The following ABCA8 variants were observed in gnomAD, a reference collection of about 807,000 sequenced individuals.
ABCA8 encodes the protein ABC-type organic anion transporter ABCA8.
A neutral mutation model predicts 192.3 loss-of-function variants in ABCA8; 177 were observed. The observed-to-expected ratio is 0.92, with a 90% confidence interval of 0.81 to 1.04. The LOEUF (loss-of-function observed/expected upper bound fraction) is 1.04. Among genes scored for constraint, ABCA8 ranks in the 50% least tolerant of loss-of-function variants. ABCA8 has a pLI of 0.00. For missense variants in ABCA8, 1,915 were observed against 1,904.8 expected (o/e 1.01, Z -0.10); for synonymous variants, 642 against 690.2 (o/e 0.93, Z 1.09).
At chr17:68,939,669 T>C (rs552771832) in intron 4 of ABCA8, among the ~76,000 whole-genome samples, 8 of 152,206 alleles carry the variant, frequency 5.3e-5, no homozygotes, top group African/African-American at 9.6e-5. Flanking sequence ...GGGGCAGAGA[T>C]TTACTTCTGT....
chr17:68,890,332 C>T (rs1380470772), intron 24 of ABCA8, among the ~76,000 whole-genome samples: 2 of 152,152 alleles, frequency 1.3e-5, no homozygotes, highest in African/African-American at 4.8e-5. Flanking sequence ...TATTTTCCAT[C>T]TGTACATCTT....
At chr17:68,926,352 A>G (rs1484521332) in intron 10 of ABCA8, among the ~76,000 whole-genome samples, 1 of 152,186 alleles carries the variant, frequency 6.6e-6, no homozygotes, top group Non-Finnish European at 1.5e-5. Context: ...TTTAATAAGT[A>G]GAAGGAGAAA....
chr17:68,928,929 C>T (rs1432183464), intron 9 of ABCA8, 120 bp downstream of exon 9: 2 of 849,798 alleles, frequency 2.4e-6, no homozygotes, highest in African/African-American at 1.8e-5. Context: ...AACTTTACAA[C>T]AGCCTTCGCT....
Position 68,933,812 on chromosome 17 carries a change from A to G in ABCA8, c.467-541T>C, listed in dbSNP as rs540852044. 8.5e-5 allele frequency among the ~76,000 whole-genome samples: 13 copies of G among 152,300 alleles called. No homozygotes were observed. In the East Asian group the frequency reaches 2.1e-3, roughly 25 times the overall value. ...CTGTCAGTCCATTTAATAGTAAACT[A>G]TATTAAAGAGATATCCTTGAATAAG... On this transcript the variant is annotated intron_variant, in intron 5 of 39. Transcript: ENST00000586539.
At chr17:68,900,074 G>T (rs979094763) in intron 21 of ABCA8, among the ~76,000 whole-genome samples, 3 of 152,022 alleles carry the variant, frequency 2.0e-5, no homozygotes, top group Admixed American at 1.3e-4. Flanking sequence ...TAAACACAAG[G>T]CAAACAGAAA....
Position 68,875,354 on chromosome 17 carries a change from A to G in ABCA8, c.4537T>C (p.Tyr1513His). 1 of 1,614,152 alleles carries G rather than the reference A, an allele frequency of 6.2e-7. No individual in the cohort carries two copies. The highest frequency in any genetic ancestry group is 8.5e-7 in the Non-Finnish European group (1 of 1,180,002). Residue 1513 changes from tyrosine to histidine, a missense_variant, in exon 37 of 40, where the codon TAC becomes CAC. Coordinates refer to ENST00000586539, the MANE Select transcript of ABCA8 (RefSeq NM_001288985.2). Reference protein sequence around the residue: ...QHLKSKFGKDYLLEMKVKNLA... With the variant: ...QHLKSKFGKDHLLEMKVKNLA... The stretch of plus-strand genomic sequence containing the variant: ...TTCTTCACCTTCATCTCCAGCAGGT[A>G]ATCTTTGCCAAATTTGCTTTTCAGG...
rs199823966 is a variant in ABCA8 at position 68,894,986 on chromosome 17, G to A, written c.2792C>T (p.Ser931Phe). Residue 931 changes from serine (S) to phenylalanine (F), a missense_variant, in exon 22 of 40, where the codon TCT (serine) becomes TTT (phenylalanine). Ser to Phe is a radical substitution (Grantham distance 155). Transcript: ENST00000586539. ...TGASIDDFIQ[S>F]VEHQNIALEV... ...TAAAGCTATGTTCTGGTGCTCCACAGACTGTATAAAGTCATCAATGCTTGC... is the reference window on the plus strand; with the variant it reads ...TAAAGCTATGTTCTGGTGCTCCACAAACTGTATAAAGTCATCAATGCTTGC... 9 of 1,613,192 alleles carry A rather than the reference G, an allele frequency of 5.6e-6. No individual in the cohort carries two copies. The South Asian group carries it at 9.9e-5, about 18-fold the overall frequency.
intron 1 of ABCA8, among the ~76,000 whole-genome samples, chr17:68,952,040 A>G (rs1380180143): frequency 6.6e-6 from 1 of 152,146 alleles, no homozygotes; most frequent in East Asian, 1.9e-4. Context: ...TCCTGTCCCA[A>G]AGATGTAAAA....
At chr17:68,937,485 T>C (rs1343205233) in intron 4 of ABCA8, among the ~76,000 whole-genome samples, 1 of 152,190 alleles carries the variant, frequency 6.6e-6, no homozygotes, top group African/African-American at 2.4e-5. Context: ...CACTGTTTTG[T>C]ATCAGGTGGA....
chr17:68,935,526 G>T (rs2068038329), intron 5 of ABCA8, among the ~76,000 whole-genome samples: 1 of 90,806 alleles, frequency 1.1e-5, no homozygotes, highest in Admixed American at 1.1e-4. Context: ...TTAATTTATG[G>T]CTGAGTAGTA....
chr17:68,867,401 T>A lies in ABCA8; in HGVS notation c.*684A>T, dbSNP rs1377335979. 4 of 152,166 alleles carry A rather than the reference T, an allele frequency of 2.6e-5. No homozygotes were observed. The highest frequency in any genetic ancestry group is 2.1e-4 in the South Asian group (1 of 4,826). 9.4% of individuals were successfully genotyped at this position (152,166 alleles called of 1,614,324 possible). On this transcript the variant is annotated 3_prime_UTR_variant, in exon 40 of 40. Coordinates refer to ENST00000586539, the MANE Select transcript of ABCA8 (RefSeq NM_001288985.2). ...CCAAGTGACAAATATCCACAAAAGA[T>A]CATTTACAATGTAGACATCACTAAA...
intron 37 of ABCA8, among the ~76,000 whole-genome samples, chr17:68,874,845 AT>A (rs1409797748): frequency 6.6e-6 from 1 of 152,250 alleles, no homozygotes; most frequent in Non-Finnish European, 1.5e-5. Flanking sequence ...AAATAAAATA[AT>A]TAGGTTTACC....
chr17:68,937,660 A>G (rs10512521), intron 4 of ABCA8, among the ~76,000 whole-genome samples: 10,334 of 152,206 alleles, frequency 0.068, 1,124 homozygotes, highest in African/African-American at 0.23. Flanking sequence ...TGTTTTATTA[A>G]TACTGAAAAA....
At position 68,877,609 on chromosome 17, in the gene ABCA8, A is replaced by C; in HGVS notation, c.4109T>G (p.Leu1370Arg). ...CTGCCTCACTGTCAGGTTGGGCCAC[A>C]GCGCGTTCTCCTGAGGGCAGTACCC... ...FLGYCPQENA[L>R]WPNLTVRQHL... Residue 1370 changes from leucine (L) to arginine (R), a missense_variant, in exon 33 of 40, where the codon CTG becomes CGG. Physicochemically the swap from Leu to Arg is moderately radical, Grantham distance 102 (BLOSUM62 -2). Transcript: ENST00000586539. 1.2e-6 allele frequency: 2 copies of C among 1,614,136 alleles called. No homozygotes were observed. The highest frequency in any genetic ancestry group is 1.7e-6 in the Non-Finnish European group (2 of 1,179,994).
In ABCA8 at chr17:68,946,350, G is replaced by GC. The variant is rs895390569; in HGVS notation, c.-6+2961dup. 2.9e-3 allele frequency among the ~76,000 whole-genome samples: 435 copies of GC among 152,220 alleles called. 2 individuals carry two copies. Among genetic ancestry groups the GC allele is most frequent in the African/African-American group, 9.9e-3 (412 of 41,542 alleles). On this transcript the variant is annotated intron_variant, in intron 2 of 39. Transcript: ENST00000586539. ...CAAAGTGCTGGGATTACAGGCGTGAGCCCCCGCACCCAGCCGCTTTTTACC... is the reference window on the plus strand; with the variant it reads ...CAAAGTGCTGGGATTACAGGCGTGAGCCCCCCGCACCCAGCCGCTTTTTACC...
intron 13 of ABCA8, chr17:68,919,786 G>C: frequency 5.5e-6 from 1 of 181,778 alleles, no homozygotes; most frequent in Non-Finnish European, 1.2e-5. Flanking sequence ...CTTGCTGCTG[G>C]GATCATGGGG....
chr17:68,928,346 A>G (rs1330898572), intron 9 of ABCA8, among the ~76,000 whole-genome samples: 1 of 152,230 alleles, frequency 6.6e-6, no homozygotes, highest in East Asian at 1.9e-4. Flanking sequence ...GACATTTGAG[A>G]TCGAACTTAG....
At chr17:68,939,219 G>A (rs4147963) in intron 4 of ABCA8, among the ~76,000 whole-genome samples, 93,321 of 151,990 alleles carry the variant, frequency 0.61, 29,905 homozygotes, top group African/African-American at 0.79. Context: ...ATGACAGGGC[G>A]ATCACCACAG....
chr17:68,933,405 AG>A, intron 5 of ABCA8, 134 bp from the exon 6 acceptor site: 1 of 586,522 alleles, frequency 1.7e-6, no homozygotes, highest in South Asian at 2.4e-5. Context: ...TTTGACTCAA[AG>A]CTTATGAAAA....
Sources: gnomAD v4.1 joint callset for allele counts (sites outside exome capture counted in the v4.1 genomes callset) on GRCh38, gnomAD v4.1.1 for gene constraint, MANE v1.5 for transcripts, NCBI Gene and HGNC (gene_info 2026-07-23, HGNC 2026-07-21) for gene names.